Variants in ATL1 observed in about 807,000 individuals in gnomAD.
The protein encoded by ATL1 is atlastin GTPase 1.
In ATL1, 31 loss-of-function variants were observed where a neutral mutation model predicts 75.5. The ratio of observed to expected loss-of-function variants is 0.41; its 90% confidence interval spans 0.31 to 0.55. The LOEUF is 0.55. Ranked by LOEUF, ATL1 falls within the 20% of genes least tolerant of loss-of-function variation. The pLI is 0.27. For synonymous variants in ATL1, 226 were observed against 233.3 expected (o/e 0.97, Z 0.28); for missense variants, 405 against 662.6 (o/e 0.61, Z 4.27).
chr14:50,592,604 G>C (rs2039169465), intron 4 of ATL1, among the ~76,000 whole-genome samples: 1 of 151,848 alleles, frequency 6.6e-6, no homozygotes, highest in African/African-American at 2.4e-5. Context: ...TTTTCTTTCA[G>C]TTGACAAATA....
intron 11 of ATL1, among the ~76,000 whole-genome samples, chr14:50,623,509 C>A (rs1484406608): frequency 6.6e-6 from 1 of 151,584 alleles, no homozygotes; most frequent in Non-Finnish European, 1.5e-5. Flanking sequence ...AGCGCCAGGT[C>A]TTTCCACTAT....
At chr14:50,591,466 A>G (rs1200565988) in intron 3 of ATL1, 69 bp from the exon 4 acceptor site, 1 of 1,022,536 alleles carries the variant, frequency 9.8e-7, no homozygotes, top group Non-Finnish European at 1.5e-6. Flanking sequence ...TTCTTATATT[A>G]ATATTATGGT....
At chr14:50,625,718 A>G (rs893292778) in intron 11 of ATL1, among the ~76,000 whole-genome samples, 2 of 152,066 alleles carry the variant, frequency 1.3e-5, no homozygotes, top group Non-Finnish European at 2.9e-5. Context: ...GAGGTCAGAT[A>G]GAGACCACGG....
intron 11 of ATL1, among the ~76,000 whole-genome samples, 178 bp from the exon 12 acceptor site, chr14:50,627,853 C>T (rs564252155): frequency 2.0e-5 from 3 of 152,116 alleles, no homozygotes; most frequent in Admixed American, 6.5e-5. Flanking sequence ...AATACCAGTC[C>T]CATTTATAGT....
At chr14:50,618,622 G>T (rs1340352483) in intron 8 of ATL1, among the ~76,000 whole-genome samples, 8 of 152,092 alleles carry the variant, frequency 5.3e-5, no homozygotes, top group African/African-American at 1.9e-4. Flanking sequence ...TTTCAATGTA[G>T]CCCCAATGTT....
At chr14:50,557,342 A>G (rs1026991091), upstream of ATL1, among the ~76,000 whole-genome samples, 1 of 152,160 alleles carries the variant, frequency 6.6e-6, no homozygotes, top group Non-Finnish European at 1.5e-5. Flanking sequence ...CATCTCCCGT[A>G]GGTGACCAAT....
chr14:50,558,024 G>A (rs1466626661), upstream of ATL1, among the ~76,000 whole-genome samples: 2 of 152,214 alleles, frequency 1.3e-5, no homozygotes, highest in Admixed American at 6.5e-5. Flanking sequence ...GTGATGCATA[G>A]CACAATTTTT....
At chr14:50,626,254 G>C (rs1440058113) in intron 11 of ATL1, among the ~76,000 whole-genome samples, 1 of 152,220 alleles carries the variant, frequency 6.6e-6, no homozygotes, top group East Asian at 1.9e-4. Flanking sequence ...TGATTCTTTT[G>C]ATGGATCTGG....
At chr14:50,623,095 G>T in intron 10 of ATL1, 82 bp from the exon 11 acceptor site, 1 of 1,130,794 alleles carries the variant, frequency 8.8e-7, no homozygotes, top group South Asian at 1.3e-5. Context: ...TCTTGCACAT[G>T]ATGCTCTGAA....
At chr14:50,548,077 A>T (rs1179016478) in intron 1 of ATL1, among the ~76,000 whole-genome samples, 1 of 152,130 alleles carries the variant, frequency 6.6e-6, no homozygotes, top group African/African-American at 2.4e-5. Flanking sequence ...GGGGATGGGA[A>T]GCCAACCCCA....
rs1320863722 is a variant in ATL1 at position 50,592,900 on chromosome 14, G to A, written c.523-946G>A. Among the ~76,000 whole-genome samples the A allele has an allele frequency of 5.1e-4, 70 of 136,130 alleles. 1 individual carries two copies. The highest frequency in any genetic ancestry group is 1.9e-3 in the African/African-American group (67 of 34,452). The allele number at this position is 136,130 out of a possible 152,430, so 89.3% of individuals were successfully genotyped here. On this transcript the variant is annotated intron_variant, in intron 4 of 13. Transcript: ENST00000358385. Reference sequence around the variant, plus strand: ...TGCACTCCAACCTGGGTGACAGGGCGAGACTCCCGTCTCAAAAAAAAAAAA... The same window carrying A: ...TGCACTCCAACCTGGGTGACAGGGCAAGACTCCCGTCTCAAAAAAAAAAAA...
chr14:50,591,479 C>T (rs2039157557), intron 3 of ATL1, 56 bp from the exon 4 acceptor site: 3 of 1,147,494 alleles, frequency 2.6e-6, no homozygotes, highest in Non-Finnish European at 4.0e-6. Context: ...ATTATGGTAA[C>T]CCTAATGACC....
intron 1 of ATL1, among the ~76,000 whole-genome samples, chr14:50,535,712 C>A (rs907123166): frequency 2.6e-5 from 4 of 152,134 alleles, no homozygotes; most frequent in African/African-American, 9.7e-5. Context: ...AGTATCAGGT[C>A]ATTAGGATGA....
intron 1 of ATL1, among the ~76,000 whole-genome samples, chr14:50,580,422 A>C (rs1001409948): frequency 2.0e-5 from 3 of 152,080 alleles, no homozygotes; most frequent in Non-Finnish European, 2.9e-5. Flanking sequence ...TCTTTCTTTA[A>C]TCAGGAATGA....
At chr14:50,597,947 G>A (rs1378481926) in intron 6 of ATL1, among the ~76,000 whole-genome samples, 1 of 152,004 alleles carries the variant, frequency 6.6e-6, no homozygotes, top group African/African-American at 2.4e-5. Flanking sequence ...CATCCGTCTC[G>A]GCCTCCCAAA....
rs1277499784 is a variant in ATL1 at position 50,620,406 on chromosome 14, G to A, written c.863-193G>A. Among the ~76,000 whole-genome samples, 3 of 152,130 alleles carry A rather than the reference G, an allele frequency of 2.0e-5. 1 individual carries two copies. The highest frequency in any genetic ancestry group is 4.8e-5 in the African/African-American group (2 of 41,424). On this transcript the variant is annotated intron_variant, in intron 8 of 13. Coordinates refer to ENST00000358385, the MANE Select transcript of ATL1 (RefSeq NM_015915.5). ...GGAAGACAAGATACATATGAAACGG[G>A]AGTGGAAATTTGGGCAAGGAGAATC...
chr14:50,590,563 G>A (rs1411170639), intron 2 of ATL1, among the ~76,000 whole-genome samples: 2 of 152,032 alleles, frequency 1.3e-5, no homozygotes, highest in Non-Finnish European at 2.9e-5. Flanking sequence ...CATCCTATGT[G>A]GTCTTGCCTG....
chr14:50,595,542 C>G lies in ATL1; in HGVS notation c.574-34C>G, dbSNP rs4993309. Reference sequence around the variant, plus strand: ...GTTCTCTCTCTCTCTCTCTCTCTCTCTGTGTATGTGTGTGTGTGTAATTTT... The same window carrying G: ...GTTCTCTCTCTCTCTCTCTCTCTCTGTGTGTATGTGTGTGTGTGTAATTTT... On this transcript the variant is annotated intron_variant, in intron 5 of 13. Coordinates refer to ENST00000358385, the MANE Select transcript of ATL1 (RefSeq NM_015915.5). The G allele has an allele frequency of 1.5e-4, 220 of 1,471,588 alleles. 3 individuals are homozygous for G. The South Asian group carries it at 1.5e-3, about 10-fold the overall frequency. The allele number at this position is 1,471,588 out of a possible 1,614,324, so 91.2% of individuals were successfully genotyped here.
At position 50,610,005 on chromosome 14, in the gene ATL1, CCTCTGCCCCA is replaced by C. The variant is rs149205256; in HGVS notation, c.631-3242_631-3233del. 1.8e-3 allele frequency among the ~76,000 whole-genome samples: 266 copies of C among 151,996 alleles called. 3 individuals are homozygous for C. The East Asian group carries it at 0.035, about 20-fold the overall frequency. ...GCATTCTTTTTCTTACAGAGGTTTT[CCTCTGCCCCA>C]CTCTGCCCCACAGATTATGTAAGCT... is the stretch of plus-strand genomic sequence containing the variant. On this transcript the variant is annotated intron_variant, in intron 6 of 13. Coordinates refer to ENST00000358385, the MANE Select transcript of ATL1 (RefSeq NM_015915.5).
Sources: allele counts gnomAD v4.1 joint callset (sites outside exome capture counted in the v4.1 genomes callset), GRCh38; gene constraint gnomAD v4.1.1; transcripts MANE v1.5; gene names NCBI Gene and HGNC (gene_info 2026-07-23, HGNC 2026-07-21).